MAN2A1: variants seen among roughly 807,000 people sequenced by gnomAD.
MAN2A1 encodes mannosidase alpha class 2A member 1.
In MAN2A1, 76 loss-of-function variants were observed where a neutral mutation model predicts 142.6. The observed-to-expected ratio is 0.53, with a 90% CI of 0.44 to 0.65. The LOEUF is 0.65. Among genes scored for constraint, MAN2A1 ranks in the 30% least tolerant of loss-of-function variants. The pLI, the probability that MAN2A1 is intolerant of heterozygous loss-of-function variation, is 0.00. For synonymous variants in MAN2A1, 559 were observed against 473.2 expected (o/e 1.18, Z -2.35); for missense variants, 1,311 against 1,365.1 (o/e 0.96, Z 0.62).
intron 16 of MAN2A1, among the ~76,000 whole-genome samples, chr5:109,833,135 C>T (rs936124222): frequency 7.9e-5 from 12 of 151,658 alleles, no homozygotes; most frequent in African/African-American, 2.4e-4. Flanking sequence ...AGACGCTCCT[C>T]ACTTCCCAGA....
At chr5:109,807,522 T>G (rs1467246314) in intron 12 of MAN2A1, among the ~76,000 whole-genome samples, 2 of 152,212 alleles carry the variant, frequency 1.3e-5, no homozygotes, top group Admixed American at 6.5e-5. Flanking sequence ...CTTTGCCTTT[T>G]CCTTTTCTAG....
intron 20 of MAN2A1, chr5:109,862,212 G>GA (rs1429764051): frequency 1.3e-5 from 2 of 152,242 alleles, no homozygotes; most frequent in Admixed American, 6.5e-5. Flanking sequence ...GTTCATGGTA[G>GA]AAAAAATCAT....
chr5:109,743,954 ATTC>A lies in MAN2A1; in HGVS notation c.708-11373_708-11371del, dbSNP rs552540847. 2.4e-4 allele frequency among the ~76,000 whole-genome samples: 37 copies of A among 152,260 alleles called. No individual in the cohort carries two copies. In the East Asian group the frequency reaches 3.9e-3, roughly 16 times the overall value. On this transcript the variant is annotated intron_variant, in intron 4 of 21. Transcript: ENST00000261483. ...TTCCTGCTTCACACTCTACTCAGGC[ATTC>A]TGAGCCACGGGTGTCCTCAGACACA...
chr5:109,833,050 C>T (rs1010939593), intron 16 of MAN2A1, among the ~76,000 whole-genome samples: 11 of 148,720 alleles, frequency 7.4e-5, no homozygotes, highest in South Asian at 4.3e-4. Flanking sequence ...AGGGCAGAGG[C>T]GCTCCCCACA....
At chr5:109,827,393 A>G (rs1754785371) in intron 16 of MAN2A1, among the ~76,000 whole-genome samples, 1 of 152,244 alleles carries the variant, frequency 6.6e-6, no homozygotes, top group African/African-American at 2.4e-5. Context: ...CTCAGTCTCT[A>G]CTTTAGTTGT....
At chr5:109,736,945 A>G (rs930413702) in intron 4 of MAN2A1, among the ~76,000 whole-genome samples, 1 of 152,100 alleles carries the variant, frequency 6.6e-6, no homozygotes, top group Non-Finnish European at 1.5e-5. Flanking sequence ...TTTTTCCTAC[A>G]TATTTAATAA....
chr5:109,814,414 T>C (rs959477309), intron 12 of MAN2A1, among the ~76,000 whole-genome samples: 1 of 152,162 alleles, frequency 6.6e-6, no homozygotes, highest in Non-Finnish European at 1.5e-5. Context: ...CCAAAGGAAA[T>C]ATCTATATAT....
At chr5:109,758,763 A>T (rs930639596) in intron 5 of MAN2A1, among the ~76,000 whole-genome samples, 2 of 150,594 alleles carry the variant, frequency 1.3e-5, no homozygotes, top group Non-Finnish European at 3.0e-5. Flanking sequence ...TTTAGTTAAT[A>T]TTTGTATATG....
chr5:109,769,988 A>T (rs1753098507), intron 6 of MAN2A1, among the ~76,000 whole-genome samples: 1 of 152,138 alleles, frequency 6.6e-6, no homozygotes, highest in Non-Finnish European at 1.5e-5. Context: ...TGTTACCTGA[A>T]TTGGGAACAG....
intron 4 of MAN2A1, among the ~76,000 whole-genome samples, chr5:109,737,958 C>T (rs752521143): frequency 6.6e-6 from 1 of 152,206 alleles, no homozygotes; most frequent in South Asian, 2.1e-4. Context: ...GCTCATAACC[C>T]TTGATGAACT....
chr5:109,773,879 C>A (rs975675133), intron 7 of MAN2A1, among the ~76,000 whole-genome samples: 2 of 152,072 alleles, frequency 1.3e-5, no homozygotes, highest in African/African-American at 4.8e-5. Flanking sequence ...AAATACTTGT[C>A]GTTTAATCAC....
At chr5:109,697,954 G>A (rs2112540137) in intron 1 of MAN2A1, among the ~76,000 whole-genome samples, 1 of 152,336 alleles carries the variant, frequency 6.6e-6, no homozygotes, top group East Asian at 1.9e-4. Context: ...TGATGCTAGA[G>A]CATCGACATG....
At position 109,713,505 on chromosome 5, in the gene MAN2A1, T is replaced by A. The variant is rs1353830343; in HGVS notation, c.136-15T>A. ...TTAGTATTTCATATAGCTGCCTTTT[T>A]CTTTTTTATTGTAGGGCCAGCTCTC... On this transcript the variant is annotated splice_polypyrimidine_tract_variant and intron_variant, in intron 1 of 21. Transcript: ENST00000261483. 6.3e-7 allele frequency: 1 copy of A among 1,576,088 alleles called. No individual in the cohort carries two copies. Among genetic ancestry groups the A allele is most frequent in the Non-Finnish European group, 8.6e-7 (1 of 1,161,936 alleles).
chr5:109,751,056 G>A (rs1022762346), intron 4 of MAN2A1, among the ~76,000 whole-genome samples: 1 of 151,878 alleles, frequency 6.6e-6, no homozygotes, highest in Non-Finnish European at 1.5e-5. Flanking sequence ...CTCTGCTGTC[G>A]AACATTAGAA....
Position 109,845,822 on chromosome 5 carries a change from T to A in MAN2A1, c.2701-43T>A, listed in dbSNP as rs1290565751. ...GTCCTCAAGTTTTTAAAAGAACATA[T>A]GTAAATATCACTTTTTGTAGATGGA... On this transcript the variant is annotated intron_variant, in intron 17 of 21. Transcript: ENST00000261483. 1.3e-5 allele frequency: 20 copies of A among 1,548,938 alleles called. No individual in the cohort carries two copies. The East Asian group carries it at 4.7e-4, about 37-fold the overall frequency.
At chr5:109,766,953 T>A (rs1298127681) in intron 5 of MAN2A1, among the ~76,000 whole-genome samples, 1 of 152,138 alleles carries the variant, frequency 6.6e-6, no homozygotes, top group Non-Finnish European at 1.5e-5. Flanking sequence ...CCTTTGTAGG[T>A]AGAGTGAAAG....
chr5:109,738,178 G>A (rs756857132), intron 4 of MAN2A1, among the ~76,000 whole-genome samples: 2 of 149,212 alleles, frequency 1.3e-5, no homozygotes, highest in Non-Finnish European at 3.0e-5. Context: ...AGAACTGACT[G>A]TACTTATTTT....
At chr5:109,708,423 C>G (rs1159501795) in intron 1 of MAN2A1, among the ~76,000 whole-genome samples, 1 of 151,010 alleles carries the variant, frequency 6.6e-6, no homozygotes, top group South Asian at 2.1e-4. Context: ...TTGATAATCC[C>G]GGTACATGAA....
chr5:109,852,526 A>G (rs373293885), intron 19 of MAN2A1, among the ~76,000 whole-genome samples: 2 of 152,188 alleles, frequency 1.3e-5, no homozygotes, highest in Non-Finnish European at 2.9e-5. Flanking sequence ...AAGTCTGGCA[A>G]GAAGTTCTGA....
Sources: allele counts gnomAD v4.1 joint callset (sites outside exome capture counted in the v4.1 genomes callset), GRCh38; gene constraint gnomAD v4.1.1; transcripts MANE v1.5; gene names NCBI Gene and HGNC (gene_info 2026-07-23, HGNC 2026-07-21).